The following AFF1 variants were observed in gnomAD, a reference collection of about 807,000 sequenced individuals.
The protein encoded by AFF1 is AF4/FMR2 family member 1.
Under a neutral mutation model 121.7 loss-of-function variants are expected in AFF1, and 48 were observed. The ratio of observed to expected loss-of-function variants is 0.39; its 90% confidence interval spans 0.31 to 0.50. The LOEUF is 0.50. Among genes scored for constraint, AFF1 ranks in the 20% least tolerant of loss-of-function variants. The probability of loss-of-function intolerance (pLI) is 0.76; values close to 1 mark genes in which losing one functional copy is unlikely to be tolerated. For missense variants in AFF1, 1,523 were observed against 1,511.7 expected (o/e 1.01, Z -0.12); for synonymous variants, 613 against 563.0 (o/e 1.09, Z -1.26).
At chr4:87,118,063 A>G (rs932783131) in intron 12 of AFF1, among the ~76,000 whole-genome samples, 2 of 152,224 alleles carry the variant, frequency 1.3e-5, no homozygotes, top group African/African-American at 4.8e-5. Flanking sequence ...CTCTGAGCAT[A>G]TAGTCAGAGG....
intron 2 of AFF1, among the ~76,000 whole-genome samples, chr4:87,023,496 T>C (rs1728235058): frequency 6.6e-6 from 1 of 152,230 alleles, no homozygotes; most frequent in Admixed American, 6.5e-5. Context: ...ATTTTCTATT[T>C]TAATTCAACA....
rs756943073 is a variant in AFF1 at position 87,126,354 on chromosome 4, T to G, written c.2811+18T>G. 9 of 1,607,528 alleles carry G rather than the reference T, an allele frequency of 5.6e-6. No individual in the cohort carries two copies. The highest frequency in any genetic ancestry group is 6.8e-6 in the Non-Finnish European group (8 of 1,174,270). On this transcript the variant is annotated intron_variant, in intron 14 of 20. Coordinates refer to ENST00000395146, the MANE Select transcript of AFF1 (RefSeq NM_001166693.3). Reference sequence around the variant, plus strand: ...AGCACAAGGTGAGCAGGGGCGGCGGTCACTCTGTAAGATGGGATGCATTGC... The same window carrying G: ...AGCACAAGGTGAGCAGGGGCGGCGGGCACTCTGTAAGATGGGATGCATTGC...
At chr4:87,041,305 T>C (rs1258419239) in intron 2 of AFF1, among the ~76,000 whole-genome samples, 1 of 152,190 alleles carries the variant, frequency 6.6e-6, no homozygotes, top group African/African-American at 2.4e-5. Context: ...TTGACTAACA[T>C]GTTAAGTGAT....
At chr4:87,079,817 G>A (rs1374263568) in intron 4 of AFF1, among the ~76,000 whole-genome samples, 1 of 152,186 alleles carries the variant, frequency 6.6e-6, no homozygotes, top group African/African-American at 2.4e-5. Context: ...AAAGGTTGAT[G>A]TGAGAATTAA....
intron 2 of AFF1, among the ~76,000 whole-genome samples, chr4:87,012,604 C>G (rs1241167768): frequency 6.6e-6 from 1 of 152,084 alleles, no homozygotes; most frequent in Non-Finnish European, 1.5e-5. Flanking sequence ...TCAGATGGTC[C>G]TCAATTCATT....
intron 2 of AFF1, among the ~76,000 whole-genome samples, chr4:87,042,230 A>G (rs1428415198): frequency 2.0e-5 from 3 of 152,240 alleles, no homozygotes; most frequent in Non-Finnish European, 4.4e-5. Context: ...AATGGAACCA[A>G]GAAAAAGAAA....
chr4:87,038,274 G>A (rs1457535229), intron 2 of AFF1, among the ~76,000 whole-genome samples: 1 of 152,128 alleles, frequency 6.6e-6, no homozygotes, highest in African/African-American at 2.4e-5. Flanking sequence ...TTTATTATGA[G>A]AAAGTCTCTT....
chr4:87,125,797 T>A (rs1728178792), intron 13 of AFF1, among the ~76,000 whole-genome samples: 1 of 152,350 alleles, frequency 6.6e-6, no homozygotes, highest in South Asian at 2.1e-4. Context: ...TCCACTCGTC[T>A]TCTTGTCAGG....
At chr4:87,106,948 CAT>C (rs1725966878) in intron 10 of AFF1, among the ~76,000 whole-genome samples, 1 of 152,116 alleles carries the variant, frequency 6.6e-6, no homozygotes, top group African/African-American at 2.4e-5. Context: ...TATGATGACT[CAT>C]AAAACATGAC....
chr4:86,993,685 C>A (rs1299898684), intron 2 of AFF1, among the ~76,000 whole-genome samples: 4 of 152,146 alleles, frequency 2.6e-5, no homozygotes, highest in Admixed American at 2.6e-4. Flanking sequence ...AGATTCTGGG[C>A]TGGGCATGGT....
rs1440191660 is a variant in AFF1, at chr4:87,114,354, T to G, written c.1534-13T>G. ...TGGTCAGTTAACACTTTTCTTTCTT[T>G]CCTTATTTTTAGCCTGAGCCTCCAA... On this transcript the variant is annotated splice_polypyrimidine_tract_variant and intron_variant, in intron 11 of 20. Transcript: ENST00000395146. 12 of 1,576,030 alleles carry G rather than the reference T, an allele frequency of 7.6e-6. No homozygotes were observed. The highest frequency in any genetic ancestry group is 1.0e-5 in the Non-Finnish European group (12 of 1,168,424).
intron 2 of AFF1, among the ~76,000 whole-genome samples, chr4:87,027,826 C>T (rs562942572): frequency 3.5e-5 from 4 of 115,312 alleles, no homozygotes; most frequent in Admixed American, 1.3e-4. Context: ...GTCTCACTGT[C>T]GCCCAGACTG....
intron 8 of AFF1, among the ~76,000 whole-genome samples, chr4:87,096,861 A>C (rs1464994311): frequency 6.6e-6 from 1 of 152,130 alleles, no homozygotes; most frequent in Non-Finnish European, 1.5e-5. Flanking sequence ...CTCCTGCCGC[A>C]GCTTCCTGAG....
At chr4:87,061,683 G>A (rs907461970) in intron 4 of AFF1, among the ~76,000 whole-genome samples, 1 of 152,126 alleles carries the variant, frequency 6.6e-6, no homozygotes, top group African/African-American at 2.4e-5. Flanking sequence ...CTAGGCCCTT[G>A]ATATCACCTG....
intron 2 of AFF1, among the ~76,000 whole-genome samples, chr4:86,986,036 A>G (rs1044090217): frequency 3.3e-4 from 12 of 36,660 alleles, no homozygotes; most frequent in Admixed American, 1.7e-3. Flanking sequence ...AATTTAATTC[A>G]ATTCAATTTA....
intron 11 of AFF1, among the ~76,000 whole-genome samples, chr4:87,109,785 G>A (rs1726278730): frequency 6.6e-6 from 1 of 152,182 alleles, no homozygotes; most frequent in Non-Finnish European, 1.5e-5. Flanking sequence ...AGAAGTTACT[G>A]GAATAGAGTG....
intron 5 of AFF1, among the ~76,000 whole-genome samples, chr4:87,089,001 T>C (rs1388832170): frequency 6.6e-6 from 1 of 152,086 alleles, no homozygotes; most frequent in Non-Finnish European, 1.5e-5. Context: ...TGCCTTGGCC[T>C]CCAAAAGCTG....
chr4:86,987,488 A>C (rs1724380603), intron 2 of AFF1, among the ~76,000 whole-genome samples: 2 of 152,070 alleles, frequency 1.3e-5, no homozygotes, highest in Admixed American at 1.3e-4. Context: ...GAATGTATAG[A>C]CTGGGATGAG....
chr4:87,113,988 TTGA>T (rs1198138661), intron 11 of AFF1, among the ~76,000 whole-genome samples: 2 of 152,252 alleles, frequency 1.3e-5, no homozygotes, highest in Non-Finnish European at 2.9e-5. Context: ...CTGCAAATAC[TTGA>T]TGAAATGATT....
Sources: gnomAD v4.1 joint callset for allele counts (sites outside exome capture counted in the v4.1 genomes callset) on GRCh38, gnomAD v4.1.1 for gene constraint, MANE v1.5 for transcripts, NCBI Gene and HGNC (gene_info 2026-07-23, HGNC 2026-07-21) for gene names.